SPTA1: variants seen among roughly 807,000 people sequenced by gnomAD.
The protein encoded by SPTA1 is spectrin alpha, erythrocytic 1.
SPTA1 carries 177 observed loss-of-function variants against 324.7 expected under a neutral mutation model. The observed-to-expected ratio is 0.55, with a 90% CI of 0.48 to 0.62. The LOEUF (loss-of-function observed/expected upper bound fraction) is 0.62, where lower values mean the gene tolerates loss of function less well. SPTA1 is among the 20% of genes least tolerant of loss of function. The probability of loss-of-function intolerance (pLI) is 0.00; values close to 1 mark genes in which losing one functional copy is unlikely to be tolerated. For missense variants in SPTA1, 3,162 were observed against 2,883.6 expected (o/e 1.10, Z -2.21); for synonymous variants, 1,195 against 1,041.3 (o/e 1.15, Z -2.84).
Position 158,633,553 on chromosome 1 carries a change from C to T in SPTA1, c.5565+990G>A, listed in dbSNP as rs532850427. On this transcript the variant is annotated intron_variant, in intron 39 of 51. Transcript: ENST00000643759. ...GCAGCCGCCTGTAGTCCCAGCTACT[C>T]GGGAGGCTGAGGCAGGAGAATGGCA... Among the ~76,000 whole-genome samples the T allele has an allele frequency of 5.2e-4, 77 of 148,190 alleles. 1 individual carries two copies. The highest frequency in any genetic ancestry group is 1.0e-3 in the Non-Finnish European group (67 of 67,234).
intron 42 of SPTA1, among the ~76,000 whole-genome samples, chr1:158,624,365 C>T (rs112728786): frequency 6.6e-6 from 1 of 152,172 alleles, no homozygotes; most frequent in Non-Finnish European, 1.5e-5. Flanking sequence ...CCTGCAAAGC[C>T]ACAGGGGTGG....
intron 18 of SPTA1, among the ~76,000 whole-genome samples, chr1:158,659,271 T>A (rs1175202925): frequency 1.3e-5 from 2 of 152,110 alleles, no homozygotes; most frequent in Non-Finnish European, 2.9e-5. Context: ...AAATGCATAA[T>A]ATTATTTGAA....
In SPTA1 at chr1:158,618,038, C is replaced by T; in HGVS notation, c.6548+1G>A. The T allele has an allele frequency of 1.2e-6, 2 of 1,611,462 alleles. No individual in the cohort carries two copies. The highest frequency in any genetic ancestry group is 1.7e-6 in the Non-Finnish European group (2 of 1,177,574). Reference sequence around the variant, plus strand: ...ACATGATGATAACATAAAATACTGACCCATCCAGAAAGTAAGCCCTGGACA... The same window carrying T: ...ACATGATGATAACATAAAATACTGATCCATCCAGAAAGTAAGCCCTGGACA... On this transcript the variant is annotated splice_donor_variant, in intron 46 of 51. Transcript: ENST00000643759. LOFTEE classifies it high-confidence loss of function.
chr1:158,661,091 C>T (rs1653173972), intron 18 of SPTA1, among the ~76,000 whole-genome samples, 196 bp downstream of exon 18: 1 of 152,128 alleles, frequency 6.6e-6, no homozygotes, highest in African/African-American at 2.4e-5. Flanking sequence ...TAGTGGTTCA[C>T]AGGATTGGAA....
At position 158,672,120 on chromosome 1, in the gene SPTA1, A is replaced by G. The variant is rs1324689677; in HGVS notation, c.1427T>C (p.Leu476Ser). The G allele has an allele frequency of 1.2e-6, 2 of 1,614,120 alleles. No individual in the cohort carries two copies. The highest frequency in any genetic ancestry group is 1.7e-6 in the Non-Finnish European group (2 of 1,179,988). Residue 476 changes from leucine to serine, a missense_variant, in exon 11 of 52, where the codon TTG (leucine) becomes TCG (serine). Transcript: ENST00000643759. ...DERHRQYEQCLDFHLFYRDSE... is the reference protein window; with the variant it reads ...DERHRQYEQCSDFHLFYRDSE... ...GTCTCTGTAGAAGAGATGAAAGTCC[A>G]AGCACTGCTCATACTGACGATGACG...
chr1:158,629,767 A>G (rs1029112345), intron 39 of SPTA1, among the ~76,000 whole-genome samples: 1 of 152,036 alleles, frequency 6.6e-6, no homozygotes, highest in Admixed American at 6.6e-5. Context: ...TGAACACTCC[A>G]TAAAAAACTG....
chr1:158,626,313 GA>G, intron 41 of SPTA1, 91 bp from the exon 42 acceptor site: 1 of 1,207,304 alleles, frequency 8.3e-7, no homozygotes, highest in Non-Finnish European at 1.2e-6. Flanking sequence ...CACACAACAA[GA>G]AAGCTTCTTG....
chr1:158,615,181 C>A, intron 48 of SPTA1, 35 bp downstream of exon 48: 1 of 1,611,894 alleles, frequency 6.2e-7, no homozygotes, highest in African/African-American at 1.3e-5. Flanking sequence ...ACACCACCTG[C>A]ATCCCTCCCT....
In SPTA1 at chr1:158,611,506, C is replaced by A. The variant is rs1571363834; in HGVS notation, c.7135-117G>T. 5 of 1,194,642 alleles carry A rather than the reference C, an allele frequency of 4.2e-6. No individual in the cohort carries two copies. In the East Asian group the frequency reaches 1.0e-4, roughly 24 times the overall value. 74.0% of individuals were successfully genotyped at this position (1,194,642 alleles called of 1,614,324 possible). A position where few individuals can be genotyped will look rare whatever the true frequency, so the allele number is the denominator to read the frequency against. On this transcript the variant is annotated intron_variant, in intron 51 of 51. Transcript: ENST00000643759. The stretch of plus-strand genomic sequence containing the variant: ...ATGGAGAGTCTCTGGAAGACGCAAG[C>A]CCTATTTCTATTACACACAATTTTT...
intron 10 of SPTA1, 107 bp downstream of exon 10, chr1:158,674,222 A>G: frequency 8.6e-7 from 1 of 1,164,348 alleles, no homozygotes; most frequent in Non-Finnish European, 1.3e-6. Flanking sequence ...TAACACGTTT[A>G]AATGACTTCT....
In SPTA1 at chr1:158,638,043, A is replaced by T. The variant is rs1343142162; in HGVS notation, c.5179T>A (p.Ser1727Thr). Residue 1727 changes from serine to threonine, a missense_variant, in exon 36 of 52, where the codon TCC becomes ACC. Coordinates refer to ENST00000643759, the MANE Select transcript of SPTA1 (RefSeq NM_003126.4). The stretch of plus-strand genomic sequence containing the variant: ...GCTGGTGGCACATACTCTATCCAGG[A>T]TTCCTCATCATCTAGATCCTGGAAG... ...QFFQDLDDEE[S>T]WIEEKLIRVS... 6.2e-7 allele frequency: 1 copy of T among 1,613,764 alleles called. No individual in the cohort carries two copies. The highest frequency in any genetic ancestry group is 1.7e-5 in the Admixed American group (1 of 60,004).
At chr1:158,643,237 A>T in intron 31 of SPTA1, 85 bp downstream of exon 31, 1 of 1,475,708 alleles carries the variant, frequency 6.8e-7, no homozygotes. Flanking sequence ...ACAGGAAGCC[A>T]GAGTATTCCC....
chr1:158,634,591 A>T lies in SPTA1; in HGVS notation c.5517T>A (p.Asn1839Lys). 1 of 1,614,148 alleles carries T rather than the reference A, an allele frequency of 6.2e-7. No homozygotes were observed. Residue 1839 changes from asparagine to lysine, a missense_variant, in exon 39 of 52, where the codon AAT becomes AAA. By Grantham distance (94) the Asn-to-Lys change is moderately conservative. Transcript: ENST00000643759. ...EEEEAWINEK[N>K]ALAVRGDCGD... ...CACAATCTCCTCGGACAGCCAAAGC[A>T]TTCTTTTCATTGATCCAAGCTTCCT...
chr1:158,674,329 C>T lies in SPTA1; in HGVS notation c.1350G>A (p.Lys450=). Residue 450 remains lysine (K), a splice_region_variant and synonymous_variant, in exon 10 of 52, where the codon AAG becomes AAA. Transcript: ENST00000643759. ...NHEASDEVRE[K]MEILDNNWTA... The stretch of plus-strand genomic sequence containing the variant: ...GACAAACTCTGTTAAACTAGATTAC[C>T]TTTTCCCGAACTTCATCAGAGGCTT... 4 of 1,613,754 alleles carry T rather than the reference C, an allele frequency of 2.5e-6. No homozygotes were observed. The highest frequency in any genetic ancestry group is 3.4e-6 in the Non-Finnish European group (4 of 1,179,744).
At chr1:158,650,019 G>T in intron 24 of SPTA1, 72 bp from the exon 25 acceptor site, 3 of 1,025,472 alleles carry the variant, frequency 2.9e-6, no homozygotes, top group Non-Finnish European at 4.6e-6. Context: ...CTGAAGACCA[G>T]ACAAGATTTA....
At position 158,634,666 on chromosome 1, in the gene SPTA1, C is replaced by T; in HGVS notation, c.5442G>A (p.Lys1814=). 4 of 1,614,112 alleles carry T rather than the reference C, an allele frequency of 2.5e-6. No individual in the cohort carries two copies. Among genetic ancestry groups the T allele is most frequent in the Non-Finnish European group, 3.4e-6 (4 of 1,180,026 alleles). ...LKELAKARGL[K]LEESLEYLQF... ...GCAAGTATTCTAGGGATTCTTCCAA[C>T]TTAAGTCCTCTATAACAAGGTGGCA... is the stretch of plus-strand genomic sequence containing the variant. The change falls in exon 39 of 52, where the codon AAG becomes AAA. Residue 1814 remains lysine (K), a synonymous_variant. Transcript: ENST00000643759.
rs116235798 is a variant in SPTA1, at chr1:158,633,091, T to C, written c.5565+1452A>G. On this transcript the variant is annotated intron_variant, in intron 39 of 51. Transcript: ENST00000643759. The stretch of plus-strand genomic sequence containing the variant: ...TCTTCAAAAGTTACATACTATATGA[T>C]TTCATTTGTATAGCAGCGTGGAAAT... Among the ~76,000 whole-genome samples, 649 of 152,286 alleles carry C rather than the reference T, an allele frequency of 4.3e-3. 3 individuals are homozygous for C. Among genetic ancestry groups the C allele is most frequent in the African/African-American group, 0.015 (609 of 41,552 alleles).
At position 158,626,901 on chromosome 1, in the gene SPTA1, A is replaced by C; in HGVS notation, c.5771T>G (p.Leu1924Trp). The change falls in exon 41 of 52, where the codon TTG (leucine) becomes TGG (tryptophan). Residue 1924 changes from leucine to tryptophan, a missense_variant. Leu to Trp is a moderately conservative substitution (Grantham distance 61). Transcript: ENST00000643759. ...AKAIAAWKLQ[L>W]EDDYAFQEFN... ...TTCCTGAAAGGCATAATCGTCTTCC[A>C]ATTGCAACTTCCAAGCAGCTATTGC... The C allele has an allele frequency of 6.2e-7, 1 of 1,613,960 alleles. No individual in the cohort carries two copies. The highest frequency in any genetic ancestry group is 8.5e-7 in the Non-Finnish European group (1 of 1,179,850).
chr1:158,652,718 T>A, intron 22 of SPTA1, 65 bp from the exon 23 acceptor site: 2 of 1,565,114 alleles, frequency 1.3e-6, no homozygotes, highest in Non-Finnish European at 8.8e-7. Flanking sequence ...AGAGGCTGAG[T>A]GACAAACATA....
Sources: gnomAD v4.1 joint callset for allele counts (sites outside exome capture counted in the v4.1 genomes callset) on GRCh38, gnomAD v4.1.1 for gene constraint, MANE v1.5 for transcripts, NCBI Gene and HGNC (gene_info 2026-07-23, HGNC 2026-07-21) for gene names.